The following PLIN3 variants were observed in gnomAD, a reference collection of about 807,000 sequenced individuals.
The protein encoded by PLIN3 is perilipin 3.
PLIN3 carries 30 observed loss-of-function variants against 35.9 expected under a neutral mutation model. The observed-to-expected ratio is 0.84, with a 90% CI of 0.62 to 1.13. PLIN3 has a LOEUF of 1.13. PLIN3 is among the 50% of genes most tolerant of loss of function. PLIN3 has a pLI of 0.00. For missense variants in PLIN3, 603 were observed against 596.9 expected (o/e 1.01, Z -0.11); for synonymous variants, 261 against 262.5 (o/e 0.99, Z 0.06).
chr19:4,858,691 T>C (rs1599172343), intron 4 of PLIN3, among the ~76,000 whole-genome samples: 2 of 63,330 alleles, frequency 3.2e-5, no homozygotes, highest in African/African-American at 5.0e-5. Context: ...CAGAATATGG[T>C]GTTTTTTTGG....
chr19:4,846,888 ATTTT>A (rs912854737), intron 6 of PLIN3, among the ~76,000 whole-genome samples: 2 of 138,216 alleles, frequency 1.4e-5, no homozygotes, highest in Admixed American at 7.5e-5. Context: ...GACAGTACGA[ATTTT>A]TTTTTTTTTT....
chr19:4,859,615 G>A lies in PLIN3; in HGVS notation c.323C>T (p.Pro108Leu). 6.2e-7 allele frequency: 1 copy of A among 1,614,118 alleles called. No individual in the cohort carries two copies. The highest frequency in any genetic ancestry group is 8.5e-7 in the Non-Finnish European group (1 of 1,179,960). The change falls in exon 4 of 8, where the codon CCC (proline) becomes CTC (leucine). Residue 108 changes from proline to leucine, a missense_variant. Pro to Leu is a moderately conservative substitution (Grantham distance 98, BLOSUM62 -3). Coordinates refer to ENST00000221957, the MANE Select transcript of PLIN3 (RefSeq NM_005817.5). ...CTTCTCCGTGGGCTGCTGCAGGATG[G>A]GGAGGTTCTCCTCCAACTTGTCCAG... Reference protein sequence around the residue: ...RGLDKLEENLPILQQPTEKVL... With the variant: ...RGLDKLEENLLILQQPTEKVL...
chr19:4,859,757 G>C, intron 3 of PLIN3, 69 bp downstream of exon 3: 1 of 1,598,010 alleles, frequency 6.3e-7, no homozygotes, highest in Non-Finnish European at 8.6e-7. Context: ...GAGCTGGGTA[G>C]ACCCCCCTAC....
At chr19:4,866,121 G>A (rs1418835247) in intron 1 of PLIN3, among the ~76,000 whole-genome samples, 3 of 145,238 alleles carry the variant, frequency 2.1e-5, no homozygotes, top group African/African-American at 5.1e-5. Flanking sequence ...AGGTTCAAGC[G>A]ATTCTCCTGC....
chr19:4,862,941 G>A (rs527906005), intron 1 of PLIN3, among the ~76,000 whole-genome samples: 85 of 144,908 alleles, frequency 5.9e-4, no homozygotes, highest in Non-Finnish European at 1.1e-3. Flanking sequence ...GGTGGAACAC[G>A]AGGTCAGGAG....
chr19:4,850,188 C>T (rs2030239352), intron 5 of PLIN3, among the ~76,000 whole-genome samples: 1 of 151,828 alleles, frequency 6.6e-6, no homozygotes, highest in African/African-American at 2.4e-5. Context: ...TCAACCTCCA[C>T]CCGCCTCAGC....
rs181325465 is a variant in PLIN3 at position 4,842,989 on chromosome 19, T to C, written c.960+1679A>G. ...TAATACCAGCACTTTGGGAGGCCGA[T>C]GTGGGCGGATCACCTGCGGTCAGGA... On this transcript the variant is annotated intron_variant, in intron 7 of 7. Transcript: ENST00000221957. 1.7e-3 allele frequency among the ~76,000 whole-genome samples: 236 copies of C among 137,724 alleles called. 1 individual carries two copies. Among genetic ancestry groups the C allele is most frequent in the African/African-American group, 6.1e-3 (225 of 36,784 alleles). The allele number at this position is 137,724 out of a possible 152,430, so 90.4% of individuals were successfully genotyped here.
intron 2 of PLIN3, among the ~76,000 whole-genome samples, chr19:4,861,085 T>C (rs2030658748): frequency 6.6e-6 from 1 of 151,998 alleles, no homozygotes; most frequent in African/African-American, 2.4e-5. Context: ...GGCTCAGGGG[T>C]TGGGGAGGGC....
chr19:4,840,071 G>C (rs1193322213), intron 7 of PLIN3, among the ~76,000 whole-genome samples: 1 of 139,988 alleles, frequency 7.1e-6, no homozygotes, highest in Non-Finnish European at 1.5e-5. Context: ...AGGTTCAAGC[G>C]ATTCTCCTAC....
At chr19:4,849,462 A>G (rs1235056222) in intron 5 of PLIN3, among the ~76,000 whole-genome samples, 1 of 151,862 alleles carries the variant, frequency 6.6e-6, no homozygotes, top group East Asian at 1.9e-4. Context: ...GGCGTGCACT[A>G]GCACACCCAG....
Position 4,848,782 on chromosome 19 carries a change from G to A in PLIN3, c.635-892C>T, listed in dbSNP as rs151209879. 6.3e-3 allele frequency among the ~76,000 whole-genome samples: 960 copies of A among 152,084 alleles called. 14 individuals are homozygous for A. The highest frequency in any genetic ancestry group is 0.022 in the African/African-American group (913 of 41,476). On this transcript the variant is annotated intron_variant, in intron 5 of 7. Transcript: ENST00000221957. Reference sequence around the variant, plus strand: ...CTTAGGAGGCTGAGGCAGGAGAATCGCTTGAACCCGGGAGGTGGAGGCTGC... The same window carrying A: ...CTTAGGAGGCTGAGGCAGGAGAATCACTTGAACCCGGGAGGTGGAGGCTGC...
rs377681525 is a variant in PLIN3, at chr19:4,855,249, GAAAAAA to G, written c.349-2954_349-2949del. The stretch of plus-strand genomic sequence containing the variant: ...TGGGCAACAGAACGAGACTCCATCT[GAAAAAA>G]AAAAAAAAAAAAAAAAAAAGCTCCC... On this transcript the variant is annotated intron_variant, in intron 4 of 7. Coordinates refer to ENST00000221957, the MANE Select transcript of PLIN3 (RefSeq NM_005817.5). 8.0e-3 allele frequency among the ~76,000 whole-genome samples: 291 copies of G among 36,370 alleles called. 1 individual carries two copies. The South Asian group carries it at 0.13, about 16-fold the overall frequency. 23.9% of individuals were successfully genotyped at this position (36,370 alleles called of 152,430 possible).
intron 4 of PLIN3, among the ~76,000 whole-genome samples, chr19:4,857,643 T>G (rs766287220): frequency 6.6e-6 from 1 of 151,820 alleles, no homozygotes; most frequent in Non-Finnish European, 1.5e-5. Flanking sequence ...GGCCTTCAGG[T>G]GTTAACCCCA....
chr19:4,863,799 G>T (rs1410938426), intron 1 of PLIN3, among the ~76,000 whole-genome samples: 13 of 149,394 alleles, frequency 8.7e-5, no homozygotes, highest in Admixed American at 6.1e-4. Context: ...CTGCACTCCA[G>T]CCTGGGTGAC....
At chr19:4,842,822 T>A (rs2029938271) in intron 7 of PLIN3, among the ~76,000 whole-genome samples, 1 of 152,068 alleles carries the variant, frequency 6.6e-6, no homozygotes, top group Non-Finnish European at 1.5e-5. Flanking sequence ...TAGTTCTGCC[T>A]CCCGAACAAT....
rs1249704895 is a variant in PLIN3, at chr19:4,848,540, T to C, written c.635-650A>G. ...AGAATAACAGCATTCCAGCCAGCAA[T>C]ACATCACATATACTACAGAGGTCCC... On this transcript the variant is annotated intron_variant, in intron 5 of 7. Transcript: ENST00000221957. Among the ~76,000 whole-genome samples, 5 of 152,182 alleles carry C rather than the reference T, an allele frequency of 3.3e-5. No individual in the cohort carries two copies. The South Asian group carries it at 1.0e-3, about 31-fold the overall frequency.
intron 1 of PLIN3, among the ~76,000 whole-genome samples, chr19:4,862,453 C>T (rs1205090138): frequency 6.6e-6 from 1 of 151,924 alleles, no homozygotes; most frequent in Non-Finnish European, 1.5e-5. Flanking sequence ...GCTATGTTGC[C>T]CAGGCTGGTC....
intron 4 of PLIN3, among the ~76,000 whole-genome samples, chr19:4,853,152 T>C (rs1033311212): frequency 2.6e-5 from 4 of 151,036 alleles, no homozygotes; most frequent in African/African-American, 9.7e-5. Flanking sequence ...TTTTTTCTTT[T>C]GAGATGGAGT....
intron 1 of PLIN3, among the ~76,000 whole-genome samples, chr19:4,863,883 A>G (rs972622474): frequency 6.6e-6 from 1 of 151,942 alleles, no homozygotes; most frequent in African/African-American, 2.4e-5. Flanking sequence ...TGTAACTGAC[A>G]TGACATGAAC....
Sources: gnomAD v4.1 joint callset for allele counts (sites outside exome capture counted in the v4.1 genomes callset) on GRCh38, gnomAD v4.1.1 for gene constraint, MANE v1.5 for transcripts, NCBI Gene and HGNC (gene_info 2026-07-23, HGNC 2026-07-21) for gene names.